The following ADTRP variants were observed in gnomAD, a reference collection of about 807,000 sequenced individuals.
The protein encoded by ADTRP is androgen dependent TFPI regulating protein.
ADTRP carries 20 observed loss-of-function variants against 27.0 expected under a neutral mutation model. The ratio of observed to expected loss-of-function variants is 0.74; its 90% CI spans 0.52 to 1.08. The LOEUF (loss-of-function observed/expected upper bound fraction) is 1.08. ADTRP is among the 50% of genes least tolerant of loss of function. ADTRP has a pLI of 0.00. For synonymous variants in ADTRP, 101 were observed against 105.2 expected (o/e 0.96, Z 0.25); for missense variants, 251 against 275.0 (o/e 0.91, Z 0.62).
intron 3 of ADTRP, among the ~76,000 whole-genome samples, chr6:11,738,290 A>G (rs1581331724): frequency 6.6e-6 from 1 of 152,106 alleles, no homozygotes; most frequent in South Asian, 2.1e-4. Flanking sequence ...CTGCTGGAGT[A>G]TGGTTGTCCC....
At chr6:11,775,515 C>A (rs965371623) in intron 1 of ADTRP, among the ~76,000 whole-genome samples, 6 of 152,214 alleles carry the variant, frequency 3.9e-5, no homozygotes, top group African/African-American at 1.2e-4. Flanking sequence ...TGAAATACCA[C>A]CTCTCCCTCC....
Position 11,746,085 on chromosome 6 carries a change from C to T in ADTRP, c.391-10402G>A, listed in dbSNP as rs555620217. ...GGATTTAGGCATGAGCCACCCCGCC[C>T]GTCCATGAACTTTTTTTTTCTTGCT... is the stretch of plus-strand genomic sequence containing the variant. On this transcript the variant is annotated intron_variant, in intron 3 of 5. Coordinates refer to ENST00000414691, the MANE Select transcript of ADTRP (RefSeq NM_032744.4). Among the ~76,000 whole-genome samples the T allele has an allele frequency of 1.6e-4, 25 of 152,258 alleles. No individual in the cohort carries two copies. The South Asian group carries it at 3.5e-3, about 22-fold the overall frequency.
At chr6:11,771,597 C>T (rs1379545266) in intron 1 of ADTRP, among the ~76,000 whole-genome samples, 2 of 152,188 alleles carry the variant, frequency 1.3e-5, no homozygotes, top group Admixed American at 6.5e-5. Context: ...GCTTGACTCA[C>T]GATAACAGAC....
At chr6:11,764,382 C>T (rs1763486693) in intron 3 of ADTRP, among the ~76,000 whole-genome samples, 1 of 152,192 alleles carries the variant, frequency 6.6e-6, no homozygotes, top group Non-Finnish European at 1.5e-5. Flanking sequence ...AAGATGAGCA[C>T]ACAAACCTTG....
intron 5 of ADTRP, among the ~76,000 whole-genome samples, chr6:11,717,805 C>T (rs1053439486): frequency 3.3e-5 from 5 of 152,292 alleles, no homozygotes; most frequent in Admixed American, 6.5e-5. Context: ...TAATCCACAG[C>T]GGGCTCTTTT....
At chr6:11,767,675 T>C (rs1763619300) in intron 2 of ADTRP, 1 of 152,264 alleles carries the variant, frequency 6.6e-6, no homozygotes, top group South Asian at 2.1e-4. Context: ...CCCTGCCATA[T>C]GTCTCACTTC....
chr6:11,720,061 C>T (rs1761966413), intron 5 of ADTRP, among the ~76,000 whole-genome samples: 1 of 152,146 alleles, frequency 6.6e-6, no homozygotes, highest in Admixed American at 6.6e-5. Context: ...AGTGGCAGGG[C>T]CAAGATAGAG....
chr6:11,735,733 T>C, intron 3 of ADTRP, 50 bp from the exon 4 acceptor site: 2 of 1,262,322 alleles, frequency 1.6e-6, no homozygotes, highest in Non-Finnish European at 2.3e-6. Context: ...CCAGGGTGCC[T>C]ACAGTGCCCA....
chr6:11,723,231 C>A, intron 5 of ADTRP, 118 bp downstream of exon 5: 1 of 1,390,570 alleles, frequency 7.2e-7, no homozygotes, highest in Non-Finnish European at 9.9e-7. Flanking sequence ...GTACTTTGGA[C>A]AAAGACAGTA....
intron 4 of ADTRP, among the ~76,000 whole-genome samples, chr6:11,730,430 T>A (rs558952064): frequency 2.0e-5 from 3 of 152,226 alleles, no homozygotes; most frequent in Admixed American, 2.0e-4. Flanking sequence ...GGACCAACCA[T>A]GTGTTAGGGA....
intron 4 of ADTRP, among the ~76,000 whole-genome samples, chr6:11,734,841 T>G (rs531968714): frequency 1.6e-4 from 25 of 152,332 alleles, no homozygotes; most frequent in Admixed American, 1.6e-3. Flanking sequence ...GAAGGAACAC[T>G]GATTAGCTTC....
At chr6:11,714,862 A>G (rs571825696) in intron 5 of ADTRP, among the ~76,000 whole-genome samples, 45 of 152,314 alleles carry the variant, frequency 3.0e-4, no homozygotes, top group African/African-American at 1.0e-3. Flanking sequence ...GACTTTGCAG[A>G]TGGAGATGAA....
intron 1 of ADTRP, among the ~76,000 whole-genome samples, chr6:11,777,863 C>T (rs1764009990): frequency 6.6e-6 from 1 of 152,210 alleles, no homozygotes; most frequent in South Asian, 2.1e-4. Flanking sequence ...TATTAATTCA[C>T]ATCCCCAAAT....
intron 4 of ADTRP, among the ~76,000 whole-genome samples, chr6:11,730,415 G>C (rs1282098053): frequency 1.3e-5 from 2 of 152,140 alleles, no homozygotes; most frequent in Admixed American, 6.5e-5. Context: ...GGTTGGTTCT[G>C]AGCAGGACCA....
chr6:11,737,049 G>A (rs2235416), intron 3 of ADTRP, among the ~76,000 whole-genome samples: 2,128 of 152,146 alleles, frequency 0.014, 46 homozygotes, highest in African/African-American at 0.048. Flanking sequence ...GAATGATGGC[G>A]TTTTCAGATG....
intron 4 of ADTRP, among the ~76,000 whole-genome samples, chr6:11,726,473 G>C: frequency 6.6e-6 from 1 of 152,104 alleles, no homozygotes. Flanking sequence ...TGCCCCTCAG[G>C]TTTTGCCCTT....
intron 1 of ADTRP, among the ~76,000 whole-genome samples, chr6:11,769,118 T>A (rs1475453871): frequency 1.3e-5 from 2 of 152,242 alleles, no homozygotes; most frequent in African/African-American, 4.8e-5. Flanking sequence ...GCAAGCTTTG[T>A]ACATTCTTGT....
intron 3 of ADTRP, among the ~76,000 whole-genome samples, chr6:11,751,418 C>T (rs1370080565): frequency 2.0e-5 from 3 of 152,094 alleles, no homozygotes; most frequent in Non-Finnish European, 4.4e-5. Flanking sequence ...GGAGGTCATA[C>T]CCTCCATGTG....
intron 5 of ADTRP, chr6:11,717,479 A>G (rs1421548858): frequency 4.0e-6 from 5 of 1,259,494 alleles, no homozygotes; most frequent in Non-Finnish European, 5.2e-6. Flanking sequence ...ATATAATTAT[A>G]TGCCTTATTA....
Sources: gnomAD v4.1 joint callset for allele counts (sites outside exome capture counted in the v4.1 genomes callset) on GRCh38, gnomAD v4.1.1 for gene constraint, MANE v1.5 for transcripts, NCBI Gene and HGNC (gene_info 2026-07-23, HGNC 2026-07-21) for gene names.